Variants in ACP6 observed in about 807,000 individuals in gnomAD.
ACP6 encodes the protein lysophosphatidic acid phosphatase type 6.
In ACP6, 48 loss-of-function variants were observed where a neutral mutation model predicts 48.1. That is an observed-to-expected ratio of 1.00 (90% CI 0.79 to 1.27). ACP6 has a LOEUF of 1.27. Among genes scored for constraint, ACP6 ranks in the 50% most tolerant of loss-of-function variants. The pLI is 0.00. For synonymous variants in ACP6, 172 were observed against 204.2 expected, an observed-to-expected ratio of 0.84 and a Z score of 1.34; for missense variants, 485 against 529.1, an observed-to-expected ratio of 0.92 and a Z score of 0.82.
At chr1:147,635,349 G>A (rs183592389) in intron 5 of ACP6, among the ~76,000 whole-genome samples, 5 of 152,300 alleles carry the variant, frequency 3.3e-5, no homozygotes, top group Non-Finnish European at 7.4e-5. Context: ...GTGGCTTAAA[G>A]GTAGATTCTG....
Position 147,648,200 on chromosome 1 carries a change from C to T in ACP6, c.1143+46G>A, listed in dbSNP as rs782647726. On this transcript the variant is annotated intron_variant, in intron 9 of 9. Transcript: ENST00000583509. ...TGCTAACTCAGGTAGGTGGGTTTTG[C>T]AGGAGGGTGCCTCACCACCACCCAA... 9 of 1,604,812 alleles carry T rather than the reference C, an allele frequency of 5.6e-6. No homozygotes were observed. In the South Asian group the frequency reaches 6.7e-5, roughly 12 times the overall value.
chr1:147,653,423 CTG>C (rs1245927715), intron 6 of ACP6, among the ~76,000 whole-genome samples: 1 of 141,784 alleles, frequency 7.1e-6, no homozygotes, highest in Non-Finnish European at 1.5e-5. Flanking sequence ...GCCGCCATGC[CTG>C]GCCTGTATTT....
chr1:147,666,797 G>A (rs587685389), intron 1 of ACP6, among the ~76,000 whole-genome samples: 2 of 152,308 alleles, frequency 1.3e-5, no homozygotes, highest in Admixed American at 1.3e-4. Flanking sequence ...CATCGATCCT[G>A]AAGAATGGGT....
intron 1 of ACP6, among the ~76,000 whole-genome samples, chr1:147,666,831 A>G (rs1172295143): frequency 6.6e-6 from 1 of 152,198 alleles, no homozygotes; most frequent in African/African-American, 2.4e-5. Context: ...TGCTTCTTGA[A>G]TACCGCTTCT....
chr1:147,650,290 G>A lies in ACP6; in HGVS notation c.882-52C>T, dbSNP rs1553210301. 4 of 1,348,152 alleles carry A rather than the reference G, an allele frequency of 3.0e-6. 1 individual carries two copies. In the South Asian group the frequency reaches 5.4e-5, roughly 18 times the overall value. The allele number at this position is 1,348,152 out of a possible 1,614,324, so 83.5% of individuals were successfully genotyped here. A position where few individuals can be genotyped will look rare whatever the true frequency, so the allele number is the denominator to read the frequency against. ...ACCTAGAGGGCACTCAGCATTCAGG[G>A]GACACAGACTGATTCTGCCCCCAGG... On this transcript the variant is annotated intron_variant, in intron 7 of 9. Coordinates refer to ENST00000583509, the MANE Select transcript of ACP6 (RefSeq NM_016361.5).
intron 5 of ACP6, among the ~76,000 whole-genome samples, chr1:147,636,884 T>C (rs1203770587): frequency 6.6e-6 from 1 of 152,228 alleles, no homozygotes; most frequent in Non-Finnish European, 1.5e-5. Context: ...GCTGCCCTCC[T>C]GGGCACTGAA....
At chr1:147,639,244 G>A (rs587602749), downstream of ACP6, among the ~76,000 whole-genome samples, 1 of 152,140 alleles carries the variant, frequency 6.6e-6, no homozygotes, top group Non-Finnish European at 1.5e-5. Context: ...CAGTTTCCAG[G>A]GATATTTCCC....
At chr1:147,662,342 T>G (rs1221591944) in intron 1 of ACP6, among the ~76,000 whole-genome samples, 1 of 152,228 alleles carries the variant, frequency 6.6e-6, no homozygotes, top group Non-Finnish European at 1.5e-5. Flanking sequence ...ATTGTTGCCC[T>G]AGATAGTGAT....
rs782023077 is a variant in ACP6, at chr1:147,647,392, A to G, written c.*31T>C. 3 of 1,612,512 alleles carry G rather than the reference A, an allele frequency of 1.9e-6. No homozygotes were observed. The South Asian group carries it at 3.3e-5, about 18-fold the overall frequency. On this transcript the variant is annotated 3_prime_UTR_variant, in exon 10 of 10. Transcript: ENST00000583509. ...GCATTGTATAAAGGCACTTTATTTT[A>G]AAATCAACACATCCTGCTTTTATAA...
rs1201669598 is a variant in ACP6 at position 147,647,372 on chromosome 1, G to T, written c.*51C>A. 3 of 1,603,838 alleles carry T rather than the reference G, an allele frequency of 1.9e-6. No individual in the cohort carries two copies. The highest frequency in any genetic ancestry group is 1.7e-4 in the Middle Eastern group (1 of 6,034). On this transcript the variant is annotated 3_prime_UTR_variant, in exon 10 of 10. Coordinates refer to ENST00000583509, the MANE Select transcript of ACP6 (RefSeq NM_016361.5). ...CCAAACACACAAAGCAGGAGGCATT[G>T]TATAAAGGCACTTTATTTTAAAATC... is the stretch of plus-strand genomic sequence containing the variant.
At chr1:147,664,464 T>G (rs1282041698) in intron 1 of ACP6, among the ~76,000 whole-genome samples, 1 of 152,240 alleles carries the variant, frequency 6.6e-6, no homozygotes, top group Admixed American at 6.5e-5. Context: ...TTAGCTTAAG[T>G]GTTCCCAGAA....
intron 1 of ACP6, among the ~76,000 whole-genome samples, chr1:147,665,745 G>C (rs1477184594): frequency 4.6e-5 from 7 of 152,138 alleles, no homozygotes; most frequent in Non-Finnish European, 8.8e-5. Flanking sequence ...ACCAAGAGAG[G>C]ACCCTTGGCG....
chr1:147,647,832 G>T (rs890629211), intron 9 of ACP6: 22 of 552,088 alleles, frequency 4.0e-5, no homozygotes, highest in Non-Finnish European at 5.7e-5. Context: ...GCTCATCCCT[G>T]GGGCGTGCTC....
rs782406791 is a variant in ACP6, at chr1:147,652,596, T to A, written c.781-47A>T. 3.7e-6 allele frequency: 6 copies of A among 1,613,112 alleles called. No individual in the cohort carries two copies. The South Asian group carries it at 6.6e-5, about 18-fold the overall frequency. ...TTAGAAAAAAATGCTTCTTACCTAC[T>A]GATTCTGGCAGCTGATCAGCTTCCA... On this transcript the variant is annotated intron_variant, in intron 6 of 9. Transcript: ENST00000583509.
At chr1:147,666,571 C>T (rs899289007) in intron 1 of ACP6, among the ~76,000 whole-genome samples, 37 of 152,208 alleles carry the variant, frequency 2.4e-4, no homozygotes. Flanking sequence ...TGAGTCCCAA[C>T]CTGGGATAAC....
chr1:147,640,568 G>A (rs587696035), downstream of ACP6, among the ~76,000 whole-genome samples: 22 of 152,246 alleles, frequency 1.4e-4, no homozygotes, highest in Non-Finnish European at 8.8e-5. Context: ...TGCTATATTA[G>A]AGTCCCATTG....
intron 4 of ACP6, among the ~76,000 whole-genome samples, chr1:147,655,882 G>A (rs186050139): frequency 1.6e-3 from 243 of 152,078 alleles, no homozygotes; most frequent in African/African-American, 4.6e-3. Flanking sequence ...GTCCCCTCCC[G>A]TCAATGCCCA....
At chr1:147,647,740 G>C in intron 9 of ACP6, 174 bp from the exon 10 acceptor site, 1 of 820,254 alleles carries the variant, frequency 1.2e-6, no homozygotes, top group Non-Finnish European at 1.8e-6. Flanking sequence ...ACTATGCTCT[G>C]CTTGTAAAAG....
intron 4 of ACP6, among the ~76,000 whole-genome samples, chr1:147,655,945 G>A (rs1189005759): frequency 3.9e-5 from 6 of 152,112 alleles, no homozygotes; most frequent in African/African-American, 7.2e-5. Context: ...GAGATGGCAA[G>A]TGCCATCTCT....
Sources: gnomAD v4.1 joint callset for allele counts (sites outside exome capture counted in the v4.1 genomes callset) on GRCh38, gnomAD v4.1.1 for gene constraint, MANE v1.5 for transcripts, NCBI Gene and HGNC (gene_info 2026-07-23, HGNC 2026-07-21) for gene names.